The following COL24A1 variants were observed in gnomAD, a reference collection of about 807,000 sequenced individuals.
COL24A1 encodes collagen type XXIV alpha 1 chain.
A neutral mutation model predicts 253.9 loss-of-function variants in COL24A1; 224 were observed. The ratio of observed to expected loss-of-function variants is 0.88; its 90% CI spans 0.79 to 0.99. The LOEUF is 0.99. Ranked by LOEUF, COL24A1 falls within the 50% of genes least tolerant of loss-of-function variation. COL24A1 has a pLI of 0.00. For synonymous variants in COL24A1, 685 were observed against 673.7 expected, an observed-to-expected ratio of 1.02 and a Z score of -0.26; for missense variants, 2,131 against 2,068.5, an observed-to-expected ratio of 1.03 and a Z score of -0.59.
intron 1 of COL24A1, among the ~76,000 whole-genome samples, chr1:86,150,362 T>C (rs1652583690): frequency 6.6e-6 from 1 of 152,196 alleles, no homozygotes; most frequent in Admixed American, 6.5e-5. Flanking sequence ...TTACATGAAA[T>C]TGACAGTAAA....
chr1:85,956,912 C>T (rs1448701964), intron 24 of COL24A1, among the ~76,000 whole-genome samples: 1 of 152,100 alleles, frequency 6.6e-6, no homozygotes, highest in Non-Finnish European at 1.5e-5. Context: ...TTTGCTCCAA[C>T]ATCAGAAAGA....
intron 32 of COL24A1, among the ~76,000 whole-genome samples, chr1:85,888,813 C>G (rs1682796902): frequency 6.6e-6 from 1 of 152,026 alleles, no homozygotes; most frequent in Non-Finnish European, 1.5e-5. Context: ...CCATTTGCTA[C>G]TAACTAAATG....
At chr1:86,131,518 C>A (rs1649192344) in intron 2 of COL24A1, among the ~76,000 whole-genome samples, 2 of 129,486 alleles carry the variant, frequency 1.5e-5, no homozygotes, top group Admixed American at 1.6e-4. Flanking sequence ...CCCCCTCCCC[C>A]CACCCCACAA....
In COL24A1 at chr1:85,772,505, C is replaced by T. The variant is rs181010462; in HGVS notation, c.4374+3169G>A. ...TCTTGCTGCTATAAAGACACATGCA[C>T]ACGTATGTTTATTGCGGCGTTATTC... On this transcript the variant is annotated intron_variant, in intron 53 of 59. Coordinates refer to ENST00000370571, the MANE Select transcript of COL24A1 (RefSeq NM_152890.7). Among the ~76,000 whole-genome samples, 1,009 of 152,122 alleles carry T rather than the reference C, an allele frequency of 6.6e-3. 11 individuals carry two copies. Among genetic ancestry groups the T allele is most frequent in the African/African-American group, 0.023 (959 of 41,494 alleles).
intron 37 of COL24A1, 148 bp from the exon 38 acceptor site, chr1:85,849,554 T>C (rs181245059): frequency 3.0e-5 from 20 of 657,696 alleles, no homozygotes; most frequent in Admixed American, 5.6e-5. Context: ...TTTGTATCAT[T>C]TAAAAAGAGG....
intron 24 of COL24A1, among the ~76,000 whole-genome samples, chr1:85,949,917 T>A (rs760784463): frequency 3.9e-5 from 6 of 152,188 alleles, no homozygotes; most frequent in Non-Finnish European, 8.8e-5. Flanking sequence ...TTTTACTGTA[T>A]GATCCAGTGG....
intron 32 of COL24A1, among the ~76,000 whole-genome samples, chr1:85,883,268 GGA>G (rs1682081247): frequency 6.6e-6 from 1 of 151,322 alleles, no homozygotes; most frequent in Admixed American, 6.6e-5. Flanking sequence ...CATCCAGGCT[GGA>G]GTGTAGTGGC....
chr1:85,810,570 T>C (rs906666944), intron 47 of COL24A1, among the ~76,000 whole-genome samples: 2 of 152,092 alleles, frequency 1.3e-5, no homozygotes, highest in Non-Finnish European at 2.9e-5. Flanking sequence ...TAATCCCCAG[T>C]GCAGGAGGTG....
At chr1:85,964,724 G>C (rs1407791181) in intron 23 of COL24A1, among the ~76,000 whole-genome samples, 1 of 151,938 alleles carries the variant, frequency 6.6e-6, no homozygotes, top group African/African-American at 2.4e-5. Context: ...TTTGGATTTG[G>C]GATTCTTAAC....
chr1:86,122,160 T>C (rs1047304058), intron 3 of COL24A1, among the ~76,000 whole-genome samples: 7 of 147,028 alleles, frequency 4.8e-5, no homozygotes, highest in African/African-American at 1.8e-4. Flanking sequence ...CATCAAAATA[T>C]CCAATAGATT....
chr1:85,760,417 G>T (rs978389927), intron 55 of COL24A1, among the ~76,000 whole-genome samples: 1 of 152,166 alleles, frequency 6.6e-6, no homozygotes, highest in African/African-American at 2.4e-5. Flanking sequence ...GAAAGGGGAA[G>T]TGATTTTTTA....
intron 37 of COL24A1, among the ~76,000 whole-genome samples, chr1:85,863,456 A>C (rs546990703): frequency 6.6e-6 from 1 of 152,288 alleles, no homozygotes; most frequent in South Asian, 2.1e-4. Context: ...CCCTAGAAGA[A>C]AACCTAGGCA....
chr1:85,816,381 C>T (rs1033581815), intron 47 of COL24A1, among the ~76,000 whole-genome samples: 2 of 152,026 alleles, frequency 1.3e-5, no homozygotes, highest in Non-Finnish European at 2.9e-5. Context: ...AATACTGAGG[C>T]TATAAAAGTA....
At chr1:85,781,350 A>C in intron 51 of COL24A1, 77 bp from the exon 52 acceptor site, 1 of 962,768 alleles carries the variant, frequency 1.0e-6, no homozygotes, top group Non-Finnish European at 1.6e-6. Flanking sequence ...CTCTTGTACA[A>C]TGGTAAAAGA....
chr1:85,847,076 C>G (rs1677214667), intron 39 of COL24A1, among the ~76,000 whole-genome samples: 1 of 152,126 alleles, frequency 6.6e-6, no homozygotes, highest in Non-Finnish European at 1.5e-5. Flanking sequence ...CTCTTTCATG[C>G]TGACTTTCAG....
chr1:85,842,089 C>A lies in COL24A1; in HGVS notation c.3549G>T (p.Leu1183Phe), dbSNP rs750081733. The A allele has an allele frequency of 1.2e-6, 2 of 1,613,588 alleles. No individual in the cohort carries two copies. Among genetic ancestry groups the A allele is most frequent in the African/African-American group, 1.3e-5 (1 of 74,916 alleles). ...AAACCTTTTCTCCTTTAGGTCCTGG[C>A]AATCCAGAGGGTCCTGGTTGGCCCT... is the stretch of plus-strand genomic sequence containing the variant. Reference protein sequence around the residue: ...GHQGQPGPSGLPGPKGEKGYP... With the variant: ...GHQGQPGPSGFPGPKGEKGYP... The change falls in exon 41 of 60, where the codon TTG becomes TTT. Residue 1183 changes from leucine (L) to phenylalanine (F), a missense_variant. By Grantham distance (22) the Leu-to-Phe change is conservative. Coordinates refer to ENST00000370571, the MANE Select transcript of COL24A1 (RefSeq NM_152890.7).
intron 2 of COL24A1, among the ~76,000 whole-genome samples, chr1:86,136,602 T>C (rs1397262416): frequency 1.3e-5 from 2 of 152,022 alleles, no homozygotes. Flanking sequence ...AGAGATTAAA[T>C]AACTTGGTAA....
chr1:85,945,260 G>A (rs1689222428), intron 24 of COL24A1, among the ~76,000 whole-genome samples: 3 of 150,894 alleles, frequency 2.0e-5, no homozygotes, highest in Non-Finnish European at 4.4e-5. Flanking sequence ...CTCATGATCC[G>A]CCCACCTCCC....
At chr1:86,108,209 T>C (rs1038590596) in intron 5 of COL24A1, among the ~76,000 whole-genome samples, 5 of 152,184 alleles carry the variant, frequency 3.3e-5, no homozygotes, top group African/African-American at 9.7e-5. Context: ...ATTTTCTGGG[T>C]ACATGTGATA....
Sources: allele counts gnomAD v4.1 joint callset (sites outside exome capture counted in the v4.1 genomes callset), GRCh38; gene constraint gnomAD v4.1.1; transcripts MANE v1.5; gene names NCBI Gene and HGNC (gene_info 2026-07-23, HGNC 2026-07-21).